The following FAM228B variants were observed in gnomAD, a reference collection of about 807,000 sequenced individuals.
FAM228B encodes family with sequence similarity 228 member B.
In FAM228B, 38 loss-of-function variants were observed where a neutral mutation model predicts 42.6. The observed-to-expected ratio is 0.89, with a 90% CI of 0.69 to 1.17. FAM228B has a LOEUF of 1.17. FAM228B is among the 50% of genes most tolerant of loss of function. The probability of loss-of-function intolerance (pLI) is 0.00; values close to 1 mark genes in which losing one functional copy is unlikely to be tolerated. For synonymous variants in FAM228B, 109 were observed against 122.3 expected (o/e 0.89, Z 0.72); for missense variants, 344 against 367.3 (o/e 0.94, Z 0.52).
At chr2:24,159,327 T>C (rs1436657093) in intron 7 of FAM228B, among the ~76,000 whole-genome samples, 1 of 152,224 alleles carries the variant, frequency 6.6e-6, no homozygotes, top group Non-Finnish European at 1.5e-5. Flanking sequence ...CTTTAAAGCA[T>C]TCACAATCGA....
chr2:24,100,342 T>C (rs890436566), intron 3 of FAM228B, among the ~76,000 whole-genome samples: 10 of 152,128 alleles, frequency 6.6e-5, no homozygotes, highest in Admixed American at 4.6e-4. Context: ...ACCTACAGAA[T>C]GGGAGAAAAT....
At chr2:24,156,785 C>CG (rs1359783674) in intron 7 of FAM228B, among the ~76,000 whole-genome samples, 1 of 118,684 alleles carries the variant, frequency 8.4e-6, no homozygotes, top group East Asian at 3.1e-4. Context: ...CCCCCCCCCC[C>CG]CCAGCTTTTT....
chr2:24,169,320 C>G lies in FAM228B; in HGVS notation c.*15-36C>G, dbSNP rs1038555645. 2 of 462,630 alleles carry G rather than the reference C, an allele frequency of 4.3e-6. No homozygotes were observed. The highest frequency in any genetic ancestry group is 9.1e-6 in the Non-Finnish European group (2 of 220,358). 28.7% of individuals were successfully genotyped at this position (462,630 alleles called of 1,614,324 possible). A position where few individuals can be genotyped will look rare whatever the true frequency, so the allele number is the denominator to read the frequency against. ...CTCTCGTAAGCCCCTCATCCCCATA[C>G]CACACTCAACTCTTCCCTTTTGTCA... On this transcript the variant is annotated intron_variant, in intron 10 of 10. Coordinates refer to ENST00000615575, the MANE Select transcript of FAM228B (RefSeq NM_001145710.2). The surrounding 1 kb of genome is among the most constrained non-coding windows in gnomAD (Gnocchi z 4.2).
chr2:24,097,325 A>C (rs1241968580), intron 3 of FAM228B: 1 of 152,146 alleles, frequency 6.6e-6, no homozygotes, highest in East Asian at 1.9e-4. Flanking sequence ...AAAGACACAG[A>C]CTGGCAAATT....
upstream of FAM228B, chr2:24,119,485 C>T (rs1666027593): frequency 4.6e-6 from 4 of 870,288 alleles, no homozygotes; most frequent in Non-Finnish European, 7.3e-6. Flanking sequence ...CTCCTTTCTG[C>T]CCTAGCTGGT....
chr2:24,161,208 G>C (rs1361143886), intron 7 of FAM228B, among the ~76,000 whole-genome samples: 27 of 152,186 alleles, frequency 1.8e-4, no homozygotes, highest in Non-Finnish European at 2.9e-5. Flanking sequence ...CACTTTAGGA[G>C]GCCGAGGCAG....
intron 3 of FAM228B, among the ~76,000 whole-genome samples, chr2:24,102,791 G>T (rs1003584580): frequency 1.3e-5 from 2 of 152,132 alleles, no homozygotes; most frequent in African/African-American, 2.4e-5. Flanking sequence ...TATCGGAGCT[G>T]CAGACTTAAC....
intron 7 of FAM228B, among the ~76,000 whole-genome samples, chr2:24,157,042 C>G (rs1384071773): frequency 3.3e-5 from 5 of 152,136 alleles, no homozygotes; most frequent in Non-Finnish European, 5.9e-5. Context: ...TCCTTCAGTT[C>G]AAAGACTTTT....
chr2:24,164,393 A>T, intron 9 of FAM228B, 58 bp downstream of exon 9: 1 of 1,495,230 alleles, frequency 6.7e-7, no homozygotes, highest in South Asian at 1.3e-5. Context: ...CTGATACCAA[A>T]ATCTGAGCAC....
intron 7 of FAM228B, among the ~76,000 whole-genome samples, chr2:24,149,503 G>C (rs1666977051): frequency 6.6e-6 from 1 of 152,016 alleles, no homozygotes; most frequent in Non-Finnish European, 1.5e-5. Context: ...GCCCAGGTCA[G>C]AGTGCAGTGG....
At chr2:24,114,384 T>C (rs1352932007) in intron 3 of FAM228B, among the ~76,000 whole-genome samples, 16 of 152,118 alleles carry the variant, frequency 1.1e-4, no homozygotes, top group Non-Finnish European at 2.4e-4. Context: ...GTCTATACTT[T>C]TTCTCCAATC....
chr2:24,098,400 G>A (rs1191963435), intron 3 of FAM228B, among the ~76,000 whole-genome samples: 2 of 151,922 alleles, frequency 1.3e-5, no homozygotes, highest in Non-Finnish European at 2.9e-5. Flanking sequence ...GACTAATAAA[G>A]AAGAAGAGAG....
At chr2:24,164,455 G>A in intron 9 of FAM228B, 120 bp downstream of exon 9, 2 of 1,113,654 alleles carry the variant, frequency 1.8e-6, no homozygotes, top group Non-Finnish European at 2.5e-6. Flanking sequence ...AGGCAGTGGG[G>A]AATAGGTTAG....
At chr2:24,140,883 A>T (rs1573770126) in intron 5 of FAM228B, among the ~76,000 whole-genome samples, 2 of 151,388 alleles carry the variant, frequency 1.3e-5, no homozygotes. Context: ...AATCACGTGA[A>T]CCCGGGAGGT....
At chr2:24,103,307 T>C (rs1490378189) in intron 3 of FAM228B, among the ~76,000 whole-genome samples, 2 of 152,176 alleles carry the variant, frequency 1.3e-5, no homozygotes, top group Non-Finnish European at 2.9e-5. Flanking sequence ...ACAGCAGATC[T>C]TTTTCAGGAA....
intron 2 of FAM228B, among the ~76,000 whole-genome samples, chr2:24,132,584 G>C (rs1352391240): frequency 6.7e-6 from 1 of 149,950 alleles, no homozygotes; most frequent in East Asian, 2.0e-4. Flanking sequence ...TTGGGAGGGT[G>C]TATGTGTCCA....
At chr2:24,159,423 A>G (rs1667237865) in intron 7 of FAM228B, among the ~76,000 whole-genome samples, 1 of 152,256 alleles carries the variant, frequency 6.6e-6, no homozygotes, top group African/African-American at 2.4e-5. Context: ...AGGGTCATTT[A>G]ACCTAGCCTA....
chr2:24,119,037 T>A (rs1176684611), upstream of FAM228B, among the ~76,000 whole-genome samples: 1 of 152,162 alleles, frequency 6.6e-6, no homozygotes, highest in African/African-American at 2.4e-5. Context: ...TTCAAAAATG[T>A]ATAGACACGG....
chr2:24,079,384 T>C, intron 1 of FAM228B: 1 of 1,566,284 alleles, frequency 6.4e-7, no homozygotes, highest in Non-Finnish European at 8.7e-7. Context: ...CTCGGGGTAA[T>C]GTAAATGAAC....
Sources: allele counts gnomAD v4.1 joint callset (sites outside exome capture counted in the v4.1 genomes callset), GRCh38; gene constraint gnomAD v4.1.1; non-coding constraint Gnocchi (gnomAD v3.1); transcripts MANE v1.5; gene names NCBI Gene and HGNC (gene_info 2026-07-23, HGNC 2026-07-21).